The following PRKDC variants were observed in gnomAD, a reference collection of about 807,000 sequenced individuals.
PRKDC encodes the protein DNA-dependent protein kinase catalytic subunit.
In PRKDC, 82 loss-of-function variants were observed where a neutral mutation model predicts 486.9. That is an observed-to-expected ratio of 0.17 (90% CI 0.14 to 0.20). The LOEUF is 0.20. Among genes scored for constraint, PRKDC ranks in the 10% least tolerant of loss-of-function variants. PRKDC has a pLI of 1.00. For synonymous variants in PRKDC, 1,895 were observed against 1,837.0 expected (o/e 1.03, Z -0.81); for missense variants, 4,504 against 5,038.2 (o/e 0.89, Z 3.21).
chr8:47,908,475 C>G (rs1474449770), intron 25 of PRKDC, among the ~76,000 whole-genome samples: 1 of 152,114 alleles, frequency 6.6e-6, no homozygotes, highest in African/African-American at 2.4e-5. Context: ...TATGTGTCTC[C>G]CTATCTGTAC....
At chr8:47,860,132 A>C (rs925321846) in intron 45 of PRKDC, among the ~76,000 whole-genome samples, 10 of 152,238 alleles carry the variant, frequency 6.6e-5, no homozygotes, top group African/African-American at 2.4e-4. Flanking sequence ...AACACCTAAG[A>C]GATTTAGAAA....
rs1455958694 is a variant in PRKDC at position 47,808,535 on chromosome 8, T to C, written c.9558-1209A>G. Among the ~76,000 whole-genome samples the C allele has an allele frequency of 7.9e-4, 120 of 152,186 alleles. 1 individual carries two copies. Among genetic ancestry groups the C allele is most frequent in the South Asian group, 2.1e-3 (10 of 4,814 alleles). On this transcript the variant is annotated intron_variant, in intron 68 of 85. Coordinates refer to ENST00000314191, the MANE Select transcript of PRKDC (RefSeq NM_006904.7). ...CTGTAGTGCAGTAGTTATTCACAGA[T>C]GTAATCATAGCACACTACAGCCTTG... is the stretch of plus-strand genomic sequence containing the variant.
intron 63 of PRKDC, among the ~76,000 whole-genome samples, chr8:47,824,947 A>G (rs1282489670): frequency 2.0e-5 from 3 of 152,234 alleles, no homozygotes; most frequent in Admixed American, 6.5e-5. Context: ...TTACATCAAA[A>G]GAGCCCTACA....
Position 47,854,192 on chromosome 8 carries a change from C to T in PRKDC, c.6784G>A (p.Gly2262Ser), listed in dbSNP as rs754689694. The T allele has an allele frequency of 4.8e-5, 78 of 1,613,480 alleles. No individual in the cohort carries two copies. The East Asian group carries it at 7.1e-4, about 15-fold the overall frequency. Residue 2262 changes from glycine (G) to serine (S), a missense_variant, in exon 51 of 86, where the codon GGT (glycine) becomes AGT (serine). This residue lies in a region of PRKDC where 1,592 missense variants were observed against 1,724.6 expected (regional missense o/e 0.92). Transcript: ENST00000314191. Reference sequence around the variant, plus strand: ...TTGTCTTTAGAATTAGGATCTTTACCGGAAAACTTTTCAAATATTAACCTG... The same window carrying T: ...TTGTCTTTAGAATTAGGATCTTTACTGGAAAACTTTTCAAATATTAACCTG... The part of the protein sequence containing the change: ...PYRLIFEKFS[G>S]KDPNSKDNSV...
chr8:47,782,077 A>C lies in PRKDC; in HGVS notation c.11489+85T>G. ...GCGGGGCAGGCAGTGTGGGCTCTCG[A>C]GCGCGCCTGTCACGGCCCCGACCTG... On this transcript the variant is annotated intron_variant, in intron 80 of 85. Transcript: ENST00000314191. The surrounding 1 kb of genome is among the most constrained non-coding windows in gnomAD (Gnocchi z 4.9). 9.1e-6 allele frequency: 11 copies of C among 1,205,724 alleles called. No individual in the cohort carries two copies. Among genetic ancestry groups the C allele is most frequent in the South Asian group, 1.3e-5 (1 of 77,556 alleles). The allele number at this position is 1,205,724 out of a possible 1,614,324, so 74.7% of individuals were successfully genotyped here.
In PRKDC at chr8:47,874,193, C is replaced by T. The variant is rs569335640; in HGVS notation, c.5363+3531G>A. ...CTCGATCTCCTGACCTTATGATCTG[C>T]CCGCCTTGGCCTCCCAAAGTGCTGG... On this transcript the variant is annotated intron_variant, in intron 40 of 85. Coordinates refer to ENST00000314191, the MANE Select transcript of PRKDC (RefSeq NM_006904.7). Among the ~76,000 whole-genome samples, 45 of 151,996 alleles carry T rather than the reference C, an allele frequency of 3.0e-4. No homozygotes were observed. In the South Asian group the frequency reaches 8.7e-3, roughly 29 times the overall value.
chr8:47,833,563 CAG>C (rs1330811942), intron 59 of PRKDC, among the ~76,000 whole-genome samples: 2 of 152,256 alleles, frequency 1.3e-5, no homozygotes, highest in East Asian at 3.9e-4. Context: ...ACACAAACCT[CAG>C]AGAAGGGCAT....
intron 13 of PRKDC, among the ~76,000 whole-genome samples, chr8:47,935,474 T>A (rs1257173004): frequency 6.6e-6 from 1 of 151,768 alleles, no homozygotes; most frequent in East Asian, 1.9e-4. Context: ...CACTCCAGCC[T>A]GGGGGACAGA....
intron 7 of PRKDC, among the ~76,000 whole-genome samples, chr8:47,949,714 G>T (rs1436916744): frequency 6.6e-6 from 1 of 152,152 alleles, no homozygotes. Context: ...CCTAAGAGGG[G>T]TGACAGTTGA....
rs747735487 is a variant in PRKDC, at chr8:47,929,163, T to C, written c.2068A>G (p.Ser690Gly). The stretch of plus-strand genomic sequence containing the variant: ...GGGTCTTCAGGAGAGTGTTTCAGAC[T>C]CTTTGGACTAACTCCCTGTCAAATA... ...IKYFEGVSPK[S>G]LKHSPEDPEK... The change falls in exon 19 of 86, where the codon AGT becomes GGT. Residue 690 changes from serine (S) to glycine (G), a missense_variant. This residue lies in a region of PRKDC where 1,969 missense variants were observed against 2,068.9 expected (regional missense o/e 0.95). Coordinates refer to ENST00000314191, the MANE Select transcript of PRKDC (RefSeq NM_006904.7). 1.3e-6 allele frequency: 2 copies of C among 1,573,922 alleles called. No homozygotes were observed. Among genetic ancestry groups the C allele is most frequent in the South Asian group, 2.3e-5 (2 of 85,696 alleles).
At chr8:47,948,542 C>A (rs1366957242) in intron 7 of PRKDC, among the ~76,000 whole-genome samples, 4 of 151,410 alleles carry the variant, frequency 2.6e-5, no homozygotes, top group African/African-American at 9.7e-5. Flanking sequence ...TCACTGCAAC[C>A]TCCGCCTCCC....
intron 51 of PRKDC, among the ~76,000 whole-genome samples, chr8:47,853,835 A>C (rs766264922): frequency 1.2e-4 from 19 of 152,332 alleles, no homozygotes; most frequent in Non-Finnish European, 2.6e-4. Context: ...TAGGCAGACA[A>C]GAATTTTTTT....
chr8:47,939,733 T>G, intron 10 of PRKDC, 36 bp from the exon 11 acceptor site: 1 of 1,466,822 alleles, frequency 6.8e-7, no homozygotes, highest in Non-Finnish European at 9.2e-7. Flanking sequence ...TTGGAAATAT[T>G]TAATAGCAAT....
intron 70 of PRKDC, 89 bp downstream of exon 70, chr8:47,803,217 C>T: frequency 7.9e-7 from 1 of 1,265,892 alleles, no homozygotes; most frequent in Non-Finnish European, 1.1e-6. Context: ...TCCCAAATGT[C>T]AGATGATGCA....
At chr8:47,933,565 C>T (rs570091724) in intron 15 of PRKDC, among the ~76,000 whole-genome samples, 1 of 152,264 alleles carries the variant, frequency 6.6e-6, no homozygotes, top group South Asian at 2.1e-4. Context: ...AGTACATGCA[C>T]ATATACTTAT....
Position 47,935,027 on chromosome 8 carries a change from T to C in PRKDC, c.1479A>G (p.Lys493=). The C allele has an allele frequency of 6.6e-7, 1 of 1,526,332 alleles. No individual in the cohort carries two copies. The highest frequency in any genetic ancestry group is 8.9e-7 in the Non-Finnish European group (1 of 1,128,272). 94.5% of individuals were successfully genotyped at this position (1,526,332 alleles called of 1,614,324 possible). ...AATTTACCTTTGGAAGGACCACTGG[T>C]TTAGAACATATTCTGATTAAACCCT... ...VHQGLIRICS[K]PVVLPKGPES... Residue 493 remains lysine, a synonymous_variant, in exon 14 of 86, where the codon AAA becomes AAG. Transcript: ENST00000314191.
At chr8:47,816,844 G>A (rs1589716787) in intron 68 of PRKDC, among the ~76,000 whole-genome samples, 1 of 151,988 alleles carries the variant, frequency 6.6e-6, no homozygotes, top group East Asian at 1.9e-4. Context: ...AAGTAGTAGT[G>A]GAGGAAATAA....
intron 73 of PRKDC, among the ~76,000 whole-genome samples, chr8:47,795,460 A>AT (rs1010934394): frequency 6.8e-5 from 10 of 146,112 alleles, no homozygotes; most frequent in African/African-American, 2.3e-4. Context: ...AAGGGCTGGG[A>AT]TTACAGGCGT....
Position 47,912,507 on chromosome 8 carries a change from G to A in PRKDC, c.2837C>T (p.Thr946Met), listed in dbSNP as rs766087987. ...TCCCTGTCCCCCTTCTGGCATCTGC[G>A]TGGCTTTGCCCAACATAAACATAAC... is the stretch of plus-strand genomic sequence containing the variant. ...SMVMFMLGKA[T>M]QMPEGGQGAP... The change falls in exon 25 of 86, where the codon ACG becomes ATG. Residue 946 changes from threonine to methionine, a missense_variant. By Grantham distance (81) the Thr-to-Met change is moderately conservative (BLOSUM62 -1). This residue lies in a region of PRKDC where 1,969 missense variants were observed against 2,068.9 expected (regional missense o/e 0.95). Transcript: ENST00000314191. The A allele has an allele frequency of 3.7e-6, 6 of 1,612,378 alleles. No individual in the cohort carries two copies. Among genetic ancestry groups the A allele is most frequent in the Admixed American group, 3.3e-5 (2 of 59,834 alleles).
Sources: allele counts gnomAD v4.1 joint callset (sites outside exome capture counted in the v4.1 genomes callset), GRCh38; gene constraint gnomAD v4.1.1; regional missense constraint gnomAD v4.1.1; non-coding constraint Gnocchi (gnomAD v3.1); transcripts MANE v1.5; gene names NCBI Gene and HGNC (gene_info 2026-07-23, HGNC 2026-07-21).